The following PDLIM5 variants were observed in gnomAD, a reference collection of about 807,000 sequenced individuals.
PDLIM5 encodes PDZ and LIM domain protein 5.
PDLIM5 carries 34 observed loss-of-function variants against 64.2 expected under a neutral mutation model. The ratio of observed to expected loss-of-function variants is 0.53; its 90% confidence interval spans 0.40 to 0.71. PDLIM5 has a LOEUF of 0.71. Among genes scored for constraint, PDLIM5 ranks in the 30% least tolerant of loss-of-function variants. PDLIM5 has a pLI of 0.00. For synonymous variants in PDLIM5, 253 were observed against 269.1 expected (o/e 0.94, Z 0.59); for missense variants, 683 against 733.6 (o/e 0.93, Z 0.80).
At chr4:94,572,358 C>T (rs1404137298) in intron 3 of PDLIM5, among the ~76,000 whole-genome samples, 1 of 152,098 alleles carries the variant, frequency 6.6e-6, no homozygotes, top group Non-Finnish European at 1.5e-5. Context: ...AGTTCCTGTC[C>T]ATGAATACAA....
rs987700656 is a variant in PDLIM5, at chr4:94,568,407, C to T, written c.249-4944C>T. 1.5e-4 allele frequency among the ~76,000 whole-genome samples: 14 copies of T among 92,376 alleles called. 1 individual carries two copies. The South Asian group carries it at 3.4e-3, about 23-fold the overall frequency. 60.6% of individuals were successfully genotyped at this position (92,376 alleles called of 152,430 possible). A position where few individuals can be genotyped will look rare whatever the true frequency, so the allele number is the denominator to read the frequency against. ...TATAGAATAGATTGTTTATAGAAAC[C>T]CTTTATTGAAATGGTATTTTCACTG... On this transcript the variant is annotated intron_variant, in intron 3 of 12. Coordinates refer to ENST00000317968, the MANE Select transcript of PDLIM5 (RefSeq NM_006457.5).
chr4:94,571,380 A>G (rs1385930056), intron 3 of PDLIM5, among the ~76,000 whole-genome samples: 3 of 152,192 alleles, frequency 2.0e-5, no homozygotes, highest in African/African-American at 7.2e-5. Flanking sequence ...TGTTCTTTGA[A>G]TTTCATGAAC....
chr4:94,558,665 G>A (rs1156564616), intron 3 of PDLIM5, among the ~76,000 whole-genome samples: 1 of 151,826 alleles, frequency 6.6e-6, no homozygotes, highest in Non-Finnish European at 1.5e-5. Flanking sequence ...ATTCAAGTAT[G>A]ACTAAGGATT....
At chr4:94,566,338 T>C (rs1275956964) in intron 3 of PDLIM5, among the ~76,000 whole-genome samples, 1 of 152,240 alleles carries the variant, frequency 6.6e-6, no homozygotes, top group Non-Finnish European at 1.5e-5. Context: ...TGGTAGGTAC[T>C]CATTAAGTGA....
intron 7 of PDLIM5, chr4:94,587,299 T>C (rs888682037): frequency 1.9e-6 from 2 of 1,058,914 alleles, no homozygotes; most frequent in Non-Finnish European, 2.4e-6. Flanking sequence ...AAAAAAAAAA[T>C]AGAAAATTAA....
At chr4:94,561,116 G>C (rs1440358100) in intron 3 of PDLIM5, among the ~76,000 whole-genome samples, 2 of 152,126 alleles carry the variant, frequency 1.3e-5, no homozygotes, top group African/African-American at 4.8e-5. Context: ...TCTGTTCTGA[G>C]TTCCTTCCAC....
intron 3 of PDLIM5, among the ~76,000 whole-genome samples, chr4:94,554,231 A>G (rs1733057233): frequency 6.6e-6 from 1 of 152,216 alleles, no homozygotes; most frequent in African/African-American, 2.4e-5. Context: ...TAGCTTTTCA[A>G]GCTAATGCTG....
At chr4:94,617,746 T>C (rs1485321472) in intron 7 of PDLIM5, among the ~76,000 whole-genome samples, 1 of 151,982 alleles carries the variant, frequency 6.6e-6, no homozygotes, top group Non-Finnish European at 1.5e-5. Flanking sequence ...ACTGTGTAAA[T>C]TTTCAGTAGC....
chr4:94,461,990 A>G (rs1723927914), intron 2 of PDLIM5, among the ~76,000 whole-genome samples: 1 of 152,110 alleles, frequency 6.6e-6, no homozygotes, highest in South Asian at 2.1e-4. Context: ...CAGCCTCTTG[A>G]GTAGCTGGGA....
chr4:94,515,255 A>G (rs907461046), intron 2 of PDLIM5, among the ~76,000 whole-genome samples: 2 of 152,174 alleles, frequency 1.3e-5, no homozygotes, highest in East Asian at 1.9e-4. Flanking sequence ...CTCTTCTTTA[A>G]TATCTTTTCT....
rs530284774 is a variant in PDLIM5 at position 94,564,209 on chromosome 4, C to A, written c.249-9142C>A. Among the ~76,000 whole-genome samples, 75 of 152,052 alleles carry A rather than the reference C, an allele frequency of 4.9e-4. 1 individual carries two copies. Among genetic ancestry groups the A allele is most frequent in the Admixed American group, 2.0e-4 (3 of 15,292 alleles). Reference sequence around the variant, plus strand: ...GATCTCCTGACCTTGTGATCCACCCCCCTTGGCCTCCCAAAGTGCTGGGAT... The same window carrying A: ...GATCTCCTGACCTTGTGATCCACCCACCTTGGCCTCCCAAAGTGCTGGGAT... On this transcript the variant is annotated intron_variant, in intron 3 of 12. Transcript: ENST00000317968.
chr4:94,597,486 G>A (rs1276823307), intron 7 of PDLIM5, among the ~76,000 whole-genome samples: 1 of 152,130 alleles, frequency 6.6e-6, no homozygotes, highest in Non-Finnish European at 1.5e-5. Context: ...AAACAGAAGT[G>A]ATGTCGTCAA....
At chr4:94,661,847 G>A (rs566257595) in intron 11 of PDLIM5, among the ~76,000 whole-genome samples, 46 of 148,868 alleles carry the variant, frequency 3.1e-4, no homozygotes, top group African/African-American at 1.1e-3. Flanking sequence ...CTTTAAGACA[G>A]TCTCACTCTT....
chr4:94,508,312 G>T (rs1224742181), intron 2 of PDLIM5, among the ~76,000 whole-genome samples: 1 of 151,982 alleles, frequency 6.6e-6, no homozygotes, highest in Non-Finnish European at 1.5e-5. Context: ...CTGGCTTATT[G>T]GGCAAAAAAT....
At chr4:94,588,138 T>A in intron 7 of PDLIM5, 1 of 953,556 alleles carries the variant, frequency 1.0e-6, no homozygotes, top group Non-Finnish European at 1.2e-6. Context: ...GCTTTGTACT[T>A]GTTCTGTTTC....
intron 7 of PDLIM5, among the ~76,000 whole-genome samples, chr4:94,608,367 G>C (rs1213550742): frequency 6.6e-6 from 1 of 152,138 alleles, no homozygotes; most frequent in African/African-American, 2.4e-5. Context: ...TTTTTGTTTA[G>C]TTTATAACTT....
At chr4:94,477,513 T>C (rs1725432473) in intron 2 of PDLIM5, among the ~76,000 whole-genome samples, 1 of 152,206 alleles carries the variant, frequency 6.6e-6, no homozygotes, top group South Asian at 2.1e-4. Context: ...CTTTTTGACT[T>C]CTCTTCATGG....
Position 94,662,410 on chromosome 4 carries a change from C to A in PDLIM5, c.1586-12C>A. ...TGTTTAAATTATGTCTCTCTGCCCT[C>A]CCTTAATACAGATTATTATGCCCTC... On this transcript the variant is annotated splice_polypyrimidine_tract_variant and intron_variant, in intron 11 of 12. Transcript: ENST00000317968. The A allele has an allele frequency of 8.3e-7, 1 of 1,202,326 alleles. No individual in the cohort carries two copies. 74.5% of individuals were successfully genotyped at this position (1,202,326 alleles called of 1,614,324 possible). A position where few individuals can be genotyped will look rare whatever the true frequency, so the allele number is the denominator to read the frequency against.
chr4:94,659,300 C>G (rs1380844584), intron 11 of PDLIM5, among the ~76,000 whole-genome samples: 1 of 152,106 alleles, frequency 6.6e-6, no homozygotes, highest in Non-Finnish European at 1.5e-5. Context: ...TCTGGCAGCT[C>G]TACCTCCAAC....
Sources: gnomAD v4.1 joint callset for allele counts (sites outside exome capture counted in the v4.1 genomes callset) on GRCh38, gnomAD v4.1.1 for gene constraint, MANE v1.5 for transcripts, NCBI Gene and HGNC (gene_info 2026-07-23, HGNC 2026-07-21) for gene names.